Variants in IGSF11 observed in about 807,000 individuals in gnomAD.
IGSF11 encodes the protein immunoglobulin superfamily member 11, also known as CXADR like 1.
In IGSF11, 22 loss-of-function variants were observed where a neutral mutation model predicts 41.0. That is an observed-to-expected ratio of 0.54 (90% CI 0.38 to 0.77). The LOEUF is 0.77. Among genes scored for constraint, IGSF11 ranks in the 30% least tolerant of loss-of-function variants. The pLI is 0.00. For synonymous variants in IGSF11, 219 were observed against 201.3 expected, an observed-to-expected ratio of 1.09 and a Z score of -0.74; for missense variants, 444 against 530.8, an observed-to-expected ratio of 0.84 and a Z score of 1.61.
chr3:118,989,677 T>C (rs1559751375), intron 1 of IGSF11, among the ~76,000 whole-genome samples: 1 of 152,188 alleles, frequency 6.6e-6, no homozygotes, highest in Non-Finnish European at 1.5e-5. Flanking sequence ...TTAATAGTAA[T>C]TTTAGGTCTG....
intron 1 of IGSF11, among the ~76,000 whole-genome samples, chr3:118,985,533 G>A (rs148134849): frequency 1.3e-5 from 2 of 152,128 alleles, no homozygotes; most frequent in African/African-American, 4.8e-5. Flanking sequence ...CCCTCCCCTT[G>A]GATAACATCC....
At chr3:118,926,011 T>C (rs1396153716) in intron 4 of IGSF11, 90 bp downstream of exon 4, 5 of 1,028,022 alleles carry the variant, frequency 4.9e-6, no homozygotes, top group Non-Finnish European at 5.4e-6. Flanking sequence ...TAGGGTGTTA[T>C]TTTTCAAAAC....
intron 1 of IGSF11, among the ~76,000 whole-genome samples, chr3:119,122,336 T>C (rs1365882100): frequency 6.6e-6 from 1 of 152,222 alleles, no homozygotes. Flanking sequence ...AGCTGATACC[T>C]GCCCACAAAG....
intron 1 of IGSF11, among the ~76,000 whole-genome samples, chr3:119,093,899 C>G (rs1441716257): frequency 6.6e-6 from 1 of 151,924 alleles, no homozygotes; most frequent in East Asian, 1.9e-4. Context: ...ATAGAATATC[C>G]AAGAGTATTT....
intron 1 of IGSF11, among the ~76,000 whole-genome samples, chr3:119,140,910 G>A (rs1036969678): frequency 2.0e-5 from 3 of 151,674 alleles, no homozygotes; most frequent in Admixed American, 6.6e-5. Flanking sequence ...CAGGCATGGT[G>A]GCACATGCCT....
chr3:119,011,100 A>C (rs1480970017), intron 1 of IGSF11, among the ~76,000 whole-genome samples: 3 of 152,176 alleles, frequency 2.0e-5, no homozygotes, highest in Non-Finnish European at 4.4e-5. Context: ...CATATGAAAA[A>C]CAATTACCTG....
intron 1 of IGSF11, among the ~76,000 whole-genome samples, chr3:119,141,086 G>C (rs1232527840): frequency 1.4e-5 from 2 of 138,046 alleles, no homozygotes; most frequent in Admixed American, 1.5e-4. Flanking sequence ...TGCAATCACA[G>C]TGAAATTAAA....
At chr3:119,008,813 G>T (rs1156697650) in intron 1 of IGSF11, among the ~76,000 whole-genome samples, 1 of 152,184 alleles carries the variant, frequency 6.6e-6, no homozygotes, top group East Asian at 1.9e-4. Context: ...ACTGAGTACA[G>T]CAGATTGTCT....
At chr3:119,008,473 C>G (rs1271992793) in intron 1 of IGSF11, among the ~76,000 whole-genome samples, 1 of 152,086 alleles carries the variant, frequency 6.6e-6, no homozygotes, top group Non-Finnish European at 1.5e-5. Context: ...TGTACAGAAA[C>G]CTAGGGAGTA....
intron 1 of IGSF11, among the ~76,000 whole-genome samples, chr3:119,003,565 T>A (rs1178002687): frequency 6.6e-6 from 1 of 151,184 alleles, no homozygotes; most frequent in Non-Finnish European, 1.5e-5. Flanking sequence ...ATGCTTCCAG[T>A]TTTTGCCCAT....
chr3:119,087,924 A>G (rs936324142), intron 1 of IGSF11, among the ~76,000 whole-genome samples: 2 of 152,186 alleles, frequency 1.3e-5, no homozygotes, highest in African/African-American at 4.8e-5. Flanking sequence ...CAAGATTCAT[A>G]AAACAAGTTC....
intron 6 of IGSF11, among the ~76,000 whole-genome samples, 182 bp downstream of exon 6, chr3:118,904,466 T>C (rs888220793): frequency 2.0e-5 from 3 of 152,184 alleles, no homozygotes; most frequent in African/African-American, 7.2e-5. Context: ...TCCTTCATGA[T>C]CCAGTGAATA....
intron 1 of IGSF11, among the ~76,000 whole-genome samples, chr3:118,966,818 T>C (rs1276393213): frequency 6.6e-6 from 1 of 152,232 alleles, no homozygotes; most frequent in Non-Finnish European, 1.5e-5. Context: ...ACAAACTGAA[T>C]GTCCACGTAG....
chr3:119,144,421 ATT>A (rs1166005354), intron 1 of IGSF11, among the ~76,000 whole-genome samples: 1 of 152,236 alleles, frequency 6.6e-6, no homozygotes, highest in East Asian at 1.9e-4. Context: ...GCCTTAATAT[ATT>A]TTAAAAGATT....
chr3:118,905,303 C>T (rs1355020556), intron 5 of IGSF11, among the ~76,000 whole-genome samples: 2 of 152,246 alleles, frequency 1.3e-5, no homozygotes, highest in Admixed American at 1.3e-4. Context: ...TTACTATACT[C>T]ATAAGATTAT....
At chr3:118,983,663 G>A (rs919054582) in intron 1 of IGSF11, among the ~76,000 whole-genome samples, 1 of 151,990 alleles carries the variant, frequency 6.6e-6, no homozygotes, top group East Asian at 1.9e-4. Context: ...TGAGAAAACA[G>A]ACTCAGAGAG....
chr3:119,034,383 G>C (rs1940722635), intron 1 of IGSF11, 148 bp downstream of exon 1: 3 of 774,336 alleles, frequency 3.9e-6, no homozygotes, highest in East Asian at 6.7e-5. Context: ...CGCGAGCCTC[G>C]GCCGCAGCAA....
chr3:118,940,152 G>C (rs1453822448), intron 1 of IGSF11, among the ~76,000 whole-genome samples: 1 of 152,128 alleles, frequency 6.6e-6, no homozygotes, highest in Non-Finnish European at 1.5e-5. Flanking sequence ...GTCTGCTCTT[G>C]CCACTTCTAT....
intron 1 of IGSF11, among the ~76,000 whole-genome samples, chr3:119,015,574 T>G (rs901769220): frequency 1.3e-5 from 2 of 152,222 alleles, no homozygotes; most frequent in Non-Finnish European, 2.9e-5. Flanking sequence ...GTAAACATTT[T>G]AAGAGGCAGG....
Sources: allele counts gnomAD v4.1 joint callset (sites outside exome capture counted in the v4.1 genomes callset), GRCh38; gene constraint gnomAD v4.1.1; transcripts MANE v1.5; gene names NCBI Gene and HGNC (gene_info 2026-07-23, HGNC 2026-07-21).